The following FADS6 variants were observed in gnomAD, a reference collection of about 807,000 sequenced individuals.
FADS6 encodes fatty acid desaturase 6.
FADS6 carries 28 observed loss-of-function variants against 31.7 expected under a neutral mutation model. The ratio of observed to expected loss-of-function variants is 0.88; its 90% CI spans 0.66 to 1.21. FADS6 has a LOEUF of 1.21. Among genes scored for constraint, FADS6 ranks in the 50% most tolerant of loss-of-function variants. FADS6 has a pLI of 0.00. For missense variants in FADS6, 494 were observed against 504.2 expected, an observed-to-expected ratio of 0.98 and a Z score of 0.19; for synonymous variants, 191 against 213.1, an observed-to-expected ratio of 0.90 and a Z score of 0.90.
chr17:74,887,607 G>A (rs1231653796), intron 2 of FADS6, among the ~76,000 whole-genome samples: 1 of 152,222 alleles, frequency 6.6e-6, no homozygotes, highest in African/African-American at 2.4e-5. Context: ...CCCCCATAGG[G>A]AGGTGCGACT....
At position 74,878,338 on chromosome 17, in the gene FADS6, C is replaced by A; in HGVS notation, c.1100G>T (p.Gly367Val). ...VQAPPITELV[G>V]L ...TGCACCGGCCCGGCCTCATTACAGC[C>A]CCACAAGCTCAGTGATGGGTGGGGC... The change falls in exon 6 of 6, where the codon GGG (glycine) becomes GTG (valine). Residue 367 changes from glycine (G) to valine (V), a missense_variant. By Grantham distance (109) the Gly-to-Val change is moderately radical. This residue lies in a region of FADS6 where 454 missense variants were observed against 438.5 expected (regional missense o/e 1.04). Transcript: ENST00000612771. 6.2e-7 allele frequency: 1 copy of A among 1,613,372 alleles called. No homozygotes were observed. The highest frequency in any genetic ancestry group is 8.5e-7 in the Non-Finnish European group (1 of 1,179,660).
Position 74,878,202 on chromosome 17 carries a change from C to T in FADS6, c.*129G>A, listed in dbSNP as rs1178222419. ...CCCAGGCCTGAGCTCCCCTGCCCCC[C>T]TGCCTGGCCGGTGCCTCCACTCTCC... On this transcript the variant is annotated 3_prime_UTR_variant, in exon 6 of 6. Coordinates refer to ENST00000612771, the MANE Select transcript of FADS6 (RefSeq NM_178128.6). 2.1e-6 allele frequency: 3 copies of T among 1,443,084 alleles called. No individual in the cohort carries two copies. Among genetic ancestry groups the T allele is most frequent in the Non-Finnish European group, 1.8e-6 (2 of 1,101,824 alleles). 89.4% of individuals were successfully genotyped at this position (1,443,084 alleles called of 1,614,324 possible). A position where few individuals can be genotyped will look rare whatever the true frequency, so the allele number is the denominator to read the frequency against.
intron 2 of FADS6, among the ~76,000 whole-genome samples, chr17:74,891,835 C>A (rs1368793164): frequency 2.0e-5 from 3 of 152,202 alleles, no homozygotes; most frequent in Non-Finnish European, 4.4e-5. Flanking sequence ...CCTATTTATT[C>A]ATAAGGTGTG....
At chr17:74,882,791 A>G in intron 2 of FADS6, 81 bp from the exon 3 acceptor site, 1 of 1,541,982 alleles carries the variant, frequency 6.5e-7, no homozygotes. Flanking sequence ...AGCCCGGAGA[A>G]CACCCCCACC....
chr17:74,881,448 A>G (rs2038568161), intron 3 of FADS6, among the ~76,000 whole-genome samples, 193 bp from the exon 4 acceptor site: 1 of 152,234 alleles, frequency 6.6e-6, no homozygotes, highest in Non-Finnish European at 1.5e-5. Context: ...CTATAAACCC[A>G]GCACTTTGGG....
chr17:74,881,367 CA>C, intron 3 of FADS6, 112 bp from the exon 4 acceptor site: 1 of 1,022,622 alleles, frequency 9.8e-7, no homozygotes, highest in Non-Finnish European at 1.4e-6. Context: ...TTCATACCCA[CA>C]ACAGCCCTGA....
intron 3 of FADS6, among the ~76,000 whole-genome samples, chr17:74,881,732 GAAAA>G (rs35456871): frequency 1.1e-4 from 12 of 112,232 alleles, no homozygotes; most frequent in African/African-American, 3.4e-4. Context: ...GCAAGACTCT[GAAAA>G]AAAAAAAAAA....
chr17:74,882,499 A>T (rs1339974589), intron 3 of FADS6, 31 bp downstream of exon 3: 2 of 1,585,374 alleles, frequency 1.3e-6, no homozygotes, highest in Admixed American at 3.5e-5. Context: ...TCCATGCAGG[A>T]CACTGCGGAC....
chr17:74,879,669 G>A lies in FADS6; in HGVS notation c.781-86C>T, dbSNP rs974425930. 3.5e-5 allele frequency: 49 copies of A among 1,409,420 alleles called. No individual in the cohort carries two copies. The African/African-American group carries it at 6.7e-4, about 19-fold the overall frequency. 87.3% of individuals were successfully genotyped at this position (1,409,420 alleles called of 1,614,324 possible). A position where few individuals can be genotyped will look rare whatever the true frequency, so the allele number is the denominator to read the frequency against. ...CCTGGGACCTCATGCTACCCAGAGG[G>A]TTCTTGTGTCACCCACCTCCCATGT... On this transcript the variant is annotated intron_variant, in intron 4 of 5. Coordinates refer to ENST00000612771, the MANE Select transcript of FADS6 (RefSeq NM_178128.6).
Position 74,879,455 on chromosome 17 carries a change from G to T in FADS6, c.909C>A (p.Cys303Ter). The change falls in exon 5 of 6, where the codon TGC becomes TGA. Residue 303 changes from cysteine (C) to a stop codon, truncating the protein, a stop_gained. Coordinates refer to ENST00000612771, the MANE Select transcript of FADS6 (RefSeq NM_178128.6). LOFTEE classifies it high-confidence loss of function. ...DWAFGHSIISCHVEHHLFPRL... is the reference protein window; with the variant it reads ...DWAFGHSIIS ...TGGGGAATAGATGGTGTTCCACATGGCAGCTGATGATCGAGTGGCCGAACG... is the reference window on the plus strand; with the variant it reads ...TGGGGAATAGATGGTGTTCCACATGTCAGCTGATGATCGAGTGGCCGAACG... 1 of 1,613,948 alleles carries T rather than the reference G, an allele frequency of 6.2e-7. No homozygotes were observed. The highest frequency in any genetic ancestry group is 8.5e-7 in the Non-Finnish European group (1 of 1,179,892).
intron 2 of FADS6, among the ~76,000 whole-genome samples, chr17:74,889,563 A>T: frequency 6.6e-6 from 1 of 151,414 alleles, no homozygotes; most frequent in South Asian, 2.1e-4. Flanking sequence ...AAAACAAACA[A>T]ACAAACCAAA....
intron 5 of FADS6, 114 bp downstream of exon 5, chr17:74,879,290 G>A: frequency 7.6e-7 from 1 of 1,318,266 alleles, no homozygotes; most frequent in African/African-American, 1.5e-5. Flanking sequence ...GCCCACCTCA[G>A]CCTCCGCAAG....
At chr17:74,891,662 T>G (rs2038690375) in intron 2 of FADS6, among the ~76,000 whole-genome samples, 1 of 152,108 alleles carries the variant, frequency 6.6e-6, no homozygotes, top group South Asian at 2.1e-4. Flanking sequence ...GGGATAGTGC[T>G]AGGTGAGAAA....
chr17:74,887,695 A>C (rs1598561151), intron 2 of FADS6, among the ~76,000 whole-genome samples: 1 of 152,092 alleles, frequency 6.6e-6, no homozygotes. Flanking sequence ...ATTTATTATT[A>C]ATTATTTTTA....
intron 3 of FADS6, 85 bp downstream of exon 3, chr17:74,882,445 A>G (rs2038580413): frequency 1.4e-6 from 2 of 1,424,088 alleles, no homozygotes; most frequent in Non-Finnish European, 9.4e-7. Context: ...CTCTATAAGC[A>G]GCCTCCATGA....
At position 74,882,461 on chromosome 17, in the gene FADS6, C is replaced by T. The variant is rs550615114; in HGVS notation, c.592+69G>A. ...TCTATAAGCAGCCTCCATGAAGCCA[C>T]GCAGGGGAGGAGAGCAGGGGAACTA... On this transcript the variant is annotated intron_variant, in intron 3 of 5. Transcript: ENST00000612771. 1.4e-4 allele frequency: 206 copies of T among 1,497,440 alleles called. 2 individuals are homozygous for T. The South Asian group carries it at 2.0e-3, about 15-fold the overall frequency. 92.8% of individuals were successfully genotyped at this position (1,497,440 alleles called of 1,614,324 possible). A position where few individuals can be genotyped will look rare whatever the true frequency, so the allele number is the denominator to read the frequency against.
At chr17:74,892,715 G>T in intron 1 of FADS6, 26 bp from the exon 2 acceptor site, 1 of 1,593,796 alleles carries the variant, frequency 6.3e-7, no homozygotes. Flanking sequence ...GAAGAAGACG[G>T]GTCTTTCTCT....
In FADS6 at chr17:74,890,106, T is replaced by G. The variant is rs1465177162; in HGVS notation, c.411+2417A>C. On this transcript the variant is annotated intron_variant, in intron 2 of 5. Transcript: ENST00000612771. ...AGGAAAGTGACACTTAGATGTTGAATTAAGTAACTTGCTCAAGGTCAGGGC... is the reference window on the plus strand; with the variant it reads ...AGGAAAGTGACACTTAGATGTTGAAGTAAGTAACTTGCTCAAGGTCAGGGC... Among the ~76,000 whole-genome samples the G allele has an allele frequency of 2.0e-5, 3 of 152,154 alleles. No individual in the cohort carries two copies. In the East Asian group the frequency reaches 5.8e-4, roughly 29 times the overall value.
In FADS6 at chr17:74,893,384, A is replaced by T; in HGVS notation, c.212T>A (p.Ile71Asn). 1 of 1,534,338 alleles carries T rather than the reference A, an allele frequency of 6.5e-7. No individual in the cohort carries two copies. Among genetic ancestry groups the T allele is most frequent in the South Asian group, 1.2e-5 (1 of 82,720 alleles). The change falls in exon 1 of 6, where the codon ATC (isoleucine) becomes AAC (asparagine). Residue 71 changes from isoleucine to asparagine, a missense_variant. By Grantham distance (149) the Ile-to-Asn change is moderately radical (BLOSUM62 -3). Around this residue, in one of 2 missense-constraint regions of FADS6, gnomAD observed 454 missense variants for 438.5 expected, o/e 1.04. Coordinates refer to ENST00000612771, the MANE Select transcript of FADS6 (RefSeq NM_178128.6). ...WWERHGVDCA[I>N]LALSLFALPA... ...CAAGGCGAAGAGGCTGAGCGCGAGGATGGCGCAGTCCACGCCGTGGCGCTC... is the reference window on the plus strand; with the variant it reads ...CAAGGCGAAGAGGCTGAGCGCGAGGTTGGCGCAGTCCACGCCGTGGCGCTC...
Sources: allele counts gnomAD v4.1 joint callset (sites outside exome capture counted in the v4.1 genomes callset), GRCh38; gene constraint gnomAD v4.1.1; regional missense constraint gnomAD v4.1.1; transcripts MANE v1.5; gene names NCBI Gene and HGNC (gene_info 2026-07-23, HGNC 2026-07-21).